COL8A1: variants seen among roughly 807,000 people sequenced by gnomAD.
COL8A1 encodes the protein collagen alpha-1(VIII) chain.
Under a neutral mutation model 42.7 loss-of-function variants are expected in COL8A1, and 21 were observed. The observed-to-expected ratio is 0.49, with a 90% CI of 0.35 to 0.71. The LOEUF is 0.71. COL8A1 is among the 30% of genes least tolerant of loss of function. COL8A1 has a pLI of 0.01. For synonymous variants in COL8A1, 367 were observed against 369.1 expected (o/e 0.99, Z 0.06); for missense variants, 788 against 962.4 (o/e 0.82, Z 2.40).
At chr3:99,760,786 C>G (rs751820936) in intron 2 of COL8A1, among the ~76,000 whole-genome samples, 1 of 152,120 alleles carries the variant, frequency 6.6e-6, no homozygotes, top group African/African-American at 2.4e-5. Flanking sequence ...GCCTCCATTC[C>G]CAGCCTGACA....
At chr3:99,793,089 A>C (rs1410349469) in intron 3 of COL8A1, among the ~76,000 whole-genome samples, 1 of 152,188 alleles carries the variant, frequency 6.6e-6, no homozygotes, top group Non-Finnish European at 1.5e-5. Flanking sequence ...AGAAACCCAG[A>C]GGAGAATGGT....
intron 1 of COL8A1, among the ~76,000 whole-genome samples, chr3:99,724,764 A>G (rs1303838827): frequency 2.0e-5 from 3 of 152,094 alleles, no homozygotes; most frequent in African/African-American, 7.2e-5. Flanking sequence ...ATGATTGATG[A>G]AAACCTGTTT....
At chr3:99,731,403 A>G (rs1940505616) in intron 1 of COL8A1, among the ~76,000 whole-genome samples, 1 of 152,130 alleles carries the variant, frequency 6.6e-6, no homozygotes, top group Non-Finnish European at 1.5e-5. Flanking sequence ...TCTGTTTTTC[A>G]TAAGTTGAAG....
chr3:99,657,326 T>C (rs143466512), intron 1 of COL8A1, among the ~76,000 whole-genome samples: 1 of 152,330 alleles, frequency 6.6e-6, no homozygotes, highest in East Asian at 1.9e-4. Context: ...TTAACTCATT[T>C]ATTAGACCTA....
At chr3:99,752,075 A>G (rs1245895028) in intron 2 of COL8A1, among the ~76,000 whole-genome samples, 1 of 152,112 alleles carries the variant, frequency 6.6e-6, no homozygotes, top group African/African-American at 2.4e-5. Flanking sequence ...TTAAGAATAT[A>G]CTCCTCATCC....
chr3:99,766,952 A>AG (rs1261627377), intron 2 of COL8A1, among the ~76,000 whole-genome samples: 1 of 150,402 alleles, frequency 6.6e-6, no homozygotes, highest in African/African-American at 2.5e-5. Flanking sequence ...TCTGTCTTGA[A>AG]AAAAAAAAAA....
At chr3:99,666,045 G>A (rs1200416519) in intron 1 of COL8A1, among the ~76,000 whole-genome samples, 2 of 151,820 alleles carry the variant, frequency 1.3e-5, no homozygotes, top group Admixed American at 1.3e-4. Flanking sequence ...AGAAATTCCA[G>A]GCTTCCAGCT....
intron 1 of COL8A1, among the ~76,000 whole-genome samples, chr3:99,676,482 A>C (rs1435361592): frequency 6.6e-6 from 1 of 152,196 alleles, no homozygotes; most frequent in Non-Finnish European, 1.5e-5. Context: ...TTAATAAAAA[A>C]GAAAATCACA....
At chr3:99,667,467 G>A (rs920554917) in intron 1 of COL8A1, among the ~76,000 whole-genome samples, 1 of 152,122 alleles carries the variant, frequency 6.6e-6, no homozygotes, top group Admixed American at 6.5e-5. Context: ...GATTCCCTCA[G>A]ATACAGGTTG....
chr3:99,639,848 A>G (rs1400555485), intron 1 of COL8A1, among the ~76,000 whole-genome samples: 2 of 152,236 alleles, frequency 1.3e-5, no homozygotes, highest in African/African-American at 4.8e-5. Flanking sequence ...AGGAAACCAA[A>G]CCACTCTTTT....
chr3:99,760,348 A>C (rs143710902), intron 2 of COL8A1, among the ~76,000 whole-genome samples: 76 of 152,280 alleles, frequency 5.0e-4, no homozygotes, highest in African/African-American at 1.7e-3. Context: ...AAGTACCAAA[A>C]TAAATGGAGA....
At chr3:99,669,897 G>A (rs1356617850) in intron 1 of COL8A1, among the ~76,000 whole-genome samples, 1 of 151,968 alleles carries the variant, frequency 6.6e-6, no homozygotes, top group African/African-American at 2.4e-5. Flanking sequence ...TAGATACATA[G>A]AGTAATGATG....
At chr3:99,671,660 T>C (rs908215898) in intron 1 of COL8A1, among the ~76,000 whole-genome samples, 2 of 151,998 alleles carry the variant, frequency 1.3e-5, no homozygotes, top group African/African-American at 4.8e-5. Context: ...TTTTTTATAC[T>C]CCATGTAACA....
chr3:99,667,669 T>C (rs1938409488), intron 1 of COL8A1, among the ~76,000 whole-genome samples: 1 of 152,178 alleles, frequency 6.6e-6, no homozygotes, highest in Admixed American at 6.5e-5. Flanking sequence ...AGAAGTATTG[T>C]GTTGAGAAAG....
At chr3:99,756,993 A>G (rs944279887) in intron 2 of COL8A1, among the ~76,000 whole-genome samples, 2 of 152,164 alleles carry the variant, frequency 1.3e-5, no homozygotes, top group African/African-American at 2.4e-5. Flanking sequence ...TGAATTAGCT[A>G]TGGTCATTTT....
At chr3:99,726,236 T>C (rs537609146) in intron 1 of COL8A1, among the ~76,000 whole-genome samples, 85 of 152,346 alleles carry the variant, frequency 5.6e-4, no homozygotes, top group Non-Finnish European at 1.1e-3. Context: ...TCTGTTCGTA[T>C]CCTGCACCCA....
At chr3:99,648,050 G>T (rs2107285811) in intron 1 of COL8A1, among the ~76,000 whole-genome samples, 1 of 152,270 alleles carries the variant, frequency 6.6e-6, no homozygotes, top group South Asian at 2.1e-4. Context: ...ATCATTAATG[G>T]TTATAATAAT....
rs1348443888 is a variant in COL8A1 at position 99,778,643 on chromosome 3, T to C, written c.-3-12037T>C. On this transcript the variant is annotated intron_variant, in intron 2 of 3. Coordinates refer to ENST00000652472, the MANE Select transcript of COL8A1 (RefSeq NM_020351.4). ...AAAAAAAAAAGGCACTCTTTATTAA[T>C]TTCTAAGGAAGAATGGCTATTATAT... Among the ~76,000 whole-genome samples, 5 of 152,192 alleles carry C rather than the reference T, an allele frequency of 3.3e-5. No individual in the cohort carries two copies. In the South Asian group the frequency reaches 6.2e-4, roughly 19 times the overall value.
At chr3:99,696,800 A>T (rs1254398803) in intron 1 of COL8A1, among the ~76,000 whole-genome samples, 1 of 152,166 alleles carries the variant, frequency 6.6e-6, no homozygotes, top group East Asian at 1.9e-4. Context: ...TCAGAAATAG[A>T]GGCATTAGTT....
Sources: allele counts gnomAD v4.1 joint callset (sites outside exome capture counted in the v4.1 genomes callset), GRCh38; gene constraint gnomAD v4.1.1; transcripts MANE v1.5; gene names NCBI Gene and HGNC (gene_info 2026-07-23, HGNC 2026-07-21).